CLYBL: variants seen among roughly 807,000 people sequenced by gnomAD.
CLYBL encodes citramalyl-CoA lyase.
A neutral mutation model predicts 38.9 loss-of-function variants in CLYBL; 31 were observed. The ratio of observed to expected loss-of-function variants is 0.80; its 90% CI spans 0.60 to 1.08. The LOEUF is 1.08. Among genes scored for constraint, CLYBL ranks in the 50% least tolerant of loss-of-function variants. The pLI is 0.00. For missense variants in CLYBL, 434 were observed against 411.6 expected (o/e 1.05, Z -0.47); for synonymous variants, 171 against 158.6 (o/e 1.08, Z -0.59).
chr13:99,701,602 C>T (rs1490829155), intron 1 of CLYBL, among the ~76,000 whole-genome samples: 1 of 151,878 alleles, frequency 6.6e-6, no homozygotes, highest in Non-Finnish European at 1.5e-5. Context: ...TGAGCCACCG[C>T]GCCCGGCCTG....
intron 1 of CLYBL, among the ~76,000 whole-genome samples, chr13:99,616,229 A>G (rs1041747303): frequency 6.8e-6 from 1 of 146,006 alleles, no homozygotes; most frequent in Non-Finnish European, 1.5e-5. Context: ...GTGTTATCAT[A>G]GCTTACTGCA....
At chr13:99,738,039 C>T (rs938980631) in intron 1 of CLYBL, among the ~76,000 whole-genome samples, 4 of 152,086 alleles carry the variant, frequency 2.6e-5, no homozygotes, top group East Asian at 1.9e-4. Context: ...TAATTGCCTC[C>T]GGGACATTTT....
At position 99,621,828 on chromosome 13, in the gene CLYBL, T is replaced by A. The variant is rs1325048468; in HGVS notation, c.62+15071T>A. 2.6e-5 allele frequency among the ~76,000 whole-genome samples: 4 copies of A among 152,230 alleles called. No homozygotes were observed. In the East Asian group the frequency reaches 7.7e-4, roughly 29 times the overall value. Reference sequence around the variant, plus strand: ...ATGTGTGGTCCAAGACAATTCTTCTTCCAGTGTGGGGCCAGGGAAGCCAAA... The same window carrying A: ...ATGTGTGGTCCAAGACAATTCTTCTACCAGTGTGGGGCCAGGGAAGCCAAA... On this transcript the variant is annotated intron_variant, in intron 1 of 8. Transcript: ENST00000339105.
chr13:99,718,038 C>CTTTTGT (rs762661510), intron 1 of CLYBL, among the ~76,000 whole-genome samples: 10 of 151,532 alleles, frequency 6.6e-5, no homozygotes, highest in African/African-American at 1.2e-4. Flanking sequence ...TGTTTGTTTG[C>CTTTTGT]TTTTGTTTTT....
chr13:99,808,153 A>G (rs529319412), intron 2 of CLYBL, among the ~76,000 whole-genome samples: 14 of 152,244 alleles, frequency 9.2e-5, no homozygotes, highest in African/African-American at 3.4e-4. Flanking sequence ...TGGCGCAATC[A>G]CAGCTCACTG....
At chr13:99,765,400 G>C (rs1162508153) in intron 1 of CLYBL, among the ~76,000 whole-genome samples, 1 of 151,746 alleles carries the variant, frequency 6.6e-6, no homozygotes, top group African/African-American at 2.4e-5. Flanking sequence ...GTCTTATTTG[G>C]GTCAAATCTG....
intron 1 of CLYBL, among the ~76,000 whole-genome samples, chr13:99,716,470 G>A (rs955704084): frequency 6.8e-5 from 10 of 146,966 alleles, no homozygotes; most frequent in African/African-American, 2.0e-4. Flanking sequence ...TGCAACCTCC[G>A]CCTCCCGGGT....
chr13:99,620,601 C>A (rs2046778070), intron 1 of CLYBL, among the ~76,000 whole-genome samples: 6 of 152,184 alleles, frequency 3.9e-5, no homozygotes, highest in Admixed American at 2.6e-4. Context: ...CATGATAAAA[C>A]CCTGTCTCTA....
chr13:99,608,706 C>A (rs1330175536), intron 1 of CLYBL, among the ~76,000 whole-genome samples: 1 of 152,114 alleles, frequency 6.6e-6, no homozygotes, highest in Admixed American at 6.6e-5. Flanking sequence ...GACATGTCTA[C>A]CCGCTGAATA....
Position 99,663,564 on chromosome 13 carries a change from C to G in CLYBL, c.62+56807C>G, listed in dbSNP as rs144663748. Among the ~76,000 whole-genome samples the G allele has an allele frequency of 1.9e-3, 289 of 152,278 alleles. 3 individuals are homozygous for G. Among genetic ancestry groups the G allele is most frequent in the African/African-American group, 6.5e-3 (271 of 41,536 alleles). On this transcript the variant is annotated intron_variant, in intron 1 of 8. Transcript: ENST00000339105. ...TCCAGGCTGTGGAGTTCGGGACATG[C>G]CTTGGTTTGTGGGGACCATGCTGCC...
At chr13:99,713,811 G>A (rs1248687160) in intron 1 of CLYBL, among the ~76,000 whole-genome samples, 11 of 148,754 alleles carry the variant, frequency 7.4e-5, no homozygotes, top group Admixed American at 6.8e-4. Context: ...AGCCTCCCAA[G>A]TAGCTGGGAC....
intron 1 of CLYBL, among the ~76,000 whole-genome samples, chr13:99,701,918 C>T (rs376214308): frequency 5.3e-5 from 8 of 151,818 alleles, no homozygotes; most frequent in African/African-American, 1.9e-4. Context: ...GTGATCTGCC[C>T]ATCTTGGCCT....
At chr13:99,877,734 TG>T in intron 7 of CLYBL, 1 of 244,748 alleles carries the variant, frequency 4.1e-6, no homozygotes, top group Non-Finnish European at 8.1e-6. Context: ...ACAACATGCC[TG>T]GCTAATTTTT....
chr13:99,650,923 C>T (rs1432505491), intron 1 of CLYBL, among the ~76,000 whole-genome samples: 1 of 152,186 alleles, frequency 6.6e-6, no homozygotes, highest in Non-Finnish European at 1.5e-5. Context: ...CATCTTCCTA[C>T]CCCATGTCTC....
At chr13:99,805,758 T>C (rs992491624) in intron 2 of CLYBL, among the ~76,000 whole-genome samples, 1 of 152,192 alleles carries the variant, frequency 6.6e-6, no homozygotes, top group African/African-American at 2.4e-5. Context: ...TTAAAAGCAA[T>C]GAAGAATATC....
intron 8 of CLYBL, among the ~76,000 whole-genome samples, chr13:99,903,037 C>T (rs7992743): frequency 0.46 from 70,442 of 152,096 alleles, 17,650 homozygotes; most frequent in African/African-American, 0.64. Flanking sequence ...TATCAATGGA[C>T]GGGTTTCAAC....
intron 1 of CLYBL, among the ~76,000 whole-genome samples, chr13:99,713,985 C>T (rs542388210): frequency 6.4e-5 from 9 of 140,750 alleles, no homozygotes; most frequent in East Asian, 4.5e-4. Context: ...GGCACCTGGC[C>T]GTGTTTGTTT....
chr13:99,676,750 C>A (rs1180882877), intron 1 of CLYBL, among the ~76,000 whole-genome samples: 1 of 152,072 alleles, frequency 6.6e-6, no homozygotes, highest in Non-Finnish European at 1.5e-5. Flanking sequence ...TGCCCCACCA[C>A]TGGGTGAAAA....
Position 99,641,396 on chromosome 13 carries a change from G to T in CLYBL, c.62+34639G>T, listed in dbSNP as rs541481978. On this transcript the variant is annotated intron_variant, in intron 1 of 8. Transcript: ENST00000339105. ...TAAAAATAGTACAACACGGCCAGGT[G>T]CAGTGGCTCACGCCTGTAATCCCAG... Among the ~76,000 whole-genome samples the T allele has an allele frequency of 3.3e-5, 5 of 152,232 alleles. No individual in the cohort carries two copies. In the East Asian group the frequency reaches 9.7e-4, roughly 29 times the overall value.
Sources: allele counts gnomAD v4.1 joint callset (sites outside exome capture counted in the v4.1 genomes callset), GRCh38; gene constraint gnomAD v4.1.1; transcripts MANE v1.5; gene names NCBI Gene and HGNC (gene_info 2026-07-23, HGNC 2026-07-21).